IL1RAPL2: variants seen among roughly 807,000 people sequenced by gnomAD.
IL1RAPL2 encodes X-linked interleukin-1 receptor accessory protein-like 2.
IL1RAPL2 carries 3 observed loss-of-function variants against 44.1 expected under a neutral mutation model. That is an observed-to-expected ratio of 0.07 (90% CI 0.03 to 0.18). IL1RAPL2 has a LOEUF of 0.18. Among genes scored for constraint, IL1RAPL2 ranks in the 10% least tolerant of loss-of-function variants. The pLI is 1.00. For synonymous variants in IL1RAPL2, 181 were observed against 178.8 expected, an observed-to-expected ratio of 1.01 and a Z score of -0.10; for missense variants, 391 against 496.4, an observed-to-expected ratio of 0.79 and a Z score of 2.02.
At chrX:104,909,595 C>A (rs1319121399) in intron 2 of IL1RAPL2, among the ~76,000 whole-genome samples, 3 of 111,422 alleles carry the variant, frequency 2.7e-5, no homozygotes, top group East Asian at 5.7e-4. Context: ...CTGTTGGAGT[C>A]CCCTTGCCGT....
chrX:104,765,734 C>A (rs1336340225), intron 2 of IL1RAPL2, among the ~76,000 whole-genome samples: 1 of 111,880 alleles, frequency 8.9e-6, no homozygotes, highest in Non-Finnish European at 1.9e-5. Flanking sequence ...TTTTGTGGAC[C>A]TTTTCAGCTG....
intron 2 of IL1RAPL2, among the ~76,000 whole-genome samples, chrX:104,744,999 C>T (rs1323012895): frequency 9.4e-6 from 1 of 106,793 alleles, no homozygotes; most frequent in African/African-American, 3.4e-5. Flanking sequence ...TAGAAAGTGG[C>T]ATAGCAATAG....
At chrX:105,321,641 T>C (rs1367809888) in intron 5 of IL1RAPL2, among the ~76,000 whole-genome samples, 1 of 112,146 alleles carries the variant, frequency 8.9e-6, no homozygotes, top group African/African-American at 3.2e-5. Context: ...GTTCTATAAA[T>C]ACTTGTCGGA....
chrX:105,347,668 T>C (rs1216141378), intron 5 of IL1RAPL2, among the ~76,000 whole-genome samples: 1 of 110,434 alleles, frequency 9.1e-6, no homozygotes, highest in African/African-American at 3.3e-5. Flanking sequence ...CTCATACCTC[T>C]AGGCCACAGT....
At chrX:105,094,037 C>T (rs1387351467) in intron 2 of IL1RAPL2, among the ~76,000 whole-genome samples, 1 of 111,274 alleles carries the variant, frequency 9.0e-6, no homozygotes, top group Non-Finnish European at 1.9e-5. Context: ...ATGACTAGAG[C>T]ATGTGCTGAG....
intron 2 of IL1RAPL2, among the ~76,000 whole-genome samples, chrX:105,001,464 A>T (rs755308205): frequency 7.2e-5 from 8 of 111,304 alleles, no homozygotes; most frequent in Admixed American, 9.6e-5. Flanking sequence ...CTTTTGCTTC[A>T]TTCAGTAAAA....
intron 2 of IL1RAPL2, among the ~76,000 whole-genome samples, chrX:105,079,293 A>G (rs1285200555): frequency 9.0e-6 from 1 of 110,662 alleles, no homozygotes. Context: ...TAGAAATACC[A>G]TTTGACCTAG....
intron 5 of IL1RAPL2, among the ~76,000 whole-genome samples, chrX:105,316,287 A>G (rs2034840684): frequency 1.8e-5 from 2 of 111,600 alleles, no homozygotes; most frequent in Admixed American, 9.6e-5. Flanking sequence ...AAATAAAAAT[A>G]AATAAATTGA....
chrX:105,624,482 C>T (rs1054140932), intron 6 of IL1RAPL2, among the ~76,000 whole-genome samples: 1 of 111,452 alleles, frequency 9.0e-6, no homozygotes, highest in African/African-American at 3.3e-5. Context: ...CTACAACTCC[C>T]ACCTCAGGTT....
At chrX:105,625,808 G>GA (rs199914562) in intron 6 of IL1RAPL2, among the ~76,000 whole-genome samples, 33,686 of 103,915 alleles carry the variant, frequency 0.32, 4,196 homozygotes, top group Middle Eastern at 0.41. Context: ...GGAAGAATTA[G>GA]AAAAAAAAAA....
At chrX:105,122,337 C>T (rs370113877) in intron 2 of IL1RAPL2, among the ~76,000 whole-genome samples, 81 of 111,103 alleles carry the variant, frequency 7.3e-4, no homozygotes, top group African/African-American at 2.6e-3. Context: ...TCCTATTTGG[C>T]CTTGGAGGAA....
chrX:104,673,496 T>C (rs1272693888), intron 2 of IL1RAPL2, among the ~76,000 whole-genome samples: 1 of 111,419 alleles, frequency 9.0e-6, no homozygotes, highest in East Asian at 2.8e-4. Flanking sequence ...TTTTGGTTAC[T>C]GTAGCCTTGT....
chrX:104,892,470 A>C (rs1268530423), intron 2 of IL1RAPL2, among the ~76,000 whole-genome samples: 1 of 110,938 alleles, frequency 9.0e-6, no homozygotes, highest in Non-Finnish European at 1.9e-5. Flanking sequence ...AATTTCAGAG[A>C]CTGTTATTGG....
chrX:105,182,708 T>C (rs782078015), intron 2 of IL1RAPL2, among the ~76,000 whole-genome samples: 1 of 112,141 alleles, frequency 8.9e-6, no homozygotes, highest in African/African-American at 3.2e-5. Flanking sequence ...CTTGGTCTTT[T>C]GTTTCTCTCT....
intron 6 of IL1RAPL2, among the ~76,000 whole-genome samples, chrX:105,520,323 A>G (rs2036545798): frequency 8.9e-6 from 1 of 112,097 alleles, no homozygotes; most frequent in South Asian, 3.7e-4. Flanking sequence ...AGATACACAT[A>G]CTCAGGTGAT....
intron 2 of IL1RAPL2, among the ~76,000 whole-genome samples, chrX:104,913,132 T>C (rs1208266906): frequency 8.9e-6 from 1 of 111,822 alleles, no homozygotes; most frequent in Non-Finnish European, 1.9e-5. Flanking sequence ...CCTGCCTTTT[T>C]ACTTTTTGTG....
intron 2 of IL1RAPL2, among the ~76,000 whole-genome samples, chrX:104,762,154 C>CGCCTG (rs1966881125): frequency 1.8e-5 from 2 of 108,893 alleles, no homozygotes; most frequent in Non-Finnish European, 3.8e-5. Flanking sequence ...CCCACCACCA[C>CGCCTG]GCCTGGCCAA....
intron 2 of IL1RAPL2, among the ~76,000 whole-genome samples, chrX:104,741,952 C>T (rs1195992101): frequency 2.7e-5 from 3 of 111,447 alleles, no homozygotes; most frequent in African/African-American, 9.7e-5. Context: ...TTGTAAGAAA[C>T]AGTAAGAGAT....
chrX:105,547,960 A>G (rs192561045), intron 6 of IL1RAPL2, among the ~76,000 whole-genome samples: 1 of 112,180 alleles, frequency 8.9e-6, no homozygotes, highest in East Asian at 2.8e-4. Flanking sequence ...GTGGCTATCC[A>G]TCTTTTGTTT....
Sources: allele counts gnomAD v4.1 joint callset (sites outside exome capture counted in the v4.1 genomes callset), GRCh38; gene constraint gnomAD v4.1.1; transcripts MANE v1.5; gene names NCBI Gene and HGNC (gene_info 2026-07-23, HGNC 2026-07-21).